KSR2: variants seen among roughly 807,000 people sequenced by gnomAD.
KSR2 encodes the protein kinase suppressor of ras 2.
KSR2 carries 25 observed loss-of-function variants against 107.8 expected under a neutral mutation model. The ratio of observed to expected loss-of-function variants is 0.23; its 90% CI spans 0.17 to 0.32. The LOEUF is 0.32. Among genes scored for constraint, KSR2 ranks in the 10% least tolerant of loss-of-function variants. The pLI, the probability that KSR2 is intolerant of heterozygous loss-of-function variation, is 1.00. For missense variants in KSR2, 887 were observed against 1,268.9 expected, an observed-to-expected ratio of 0.70 and a Z score of 4.57; for synonymous variants, 480 against 507.0, an observed-to-expected ratio of 0.95 and a Z score of 0.71.
At chr12:117,475,658 G>C (rs536991089) in intron 17 of KSR2, among the ~76,000 whole-genome samples, 82 of 152,208 alleles carry the variant, frequency 5.4e-4, no homozygotes, top group Non-Finnish European at 9.1e-4. Context: ...ACTAGAAAGA[G>C]AGAGTAGGGG....
chr12:117,951,805 C>T (rs1159245455), intron 1 of KSR2, among the ~76,000 whole-genome samples: 1 of 151,950 alleles, frequency 6.6e-6, no homozygotes, highest in African/African-American at 2.4e-5. Context: ...AGGGAGGTTC[C>T]CAGGAAGCGA....
intron 5 of KSR2, among the ~76,000 whole-genome samples, chr12:117,593,063 G>A (rs1880419431): frequency 6.6e-6 from 1 of 152,152 alleles, no homozygotes; most frequent in South Asian, 2.1e-4. Flanking sequence ...GGAAAGAGGA[G>A]AGCAGCCCTG....
chr12:117,677,272 G>A (rs1885172900), intron 4 of KSR2: 1 of 152,168 alleles, frequency 6.6e-6, no homozygotes, highest in Non-Finnish European at 1.5e-5. Context: ...ACTTCAGAAT[G>A]TGGCTGTATT....
intron 14 of KSR2, among the ~76,000 whole-genome samples, chr12:117,519,328 G>A (rs570446929): frequency 3.4e-4 from 52 of 152,284 alleles, no homozygotes; most frequent in African/African-American, 1.1e-3. Flanking sequence ...GGAAGGACCC[G>A]CTTTCTTTAA....
intron 4 of KSR2, among the ~76,000 whole-genome samples, chr12:117,724,678 G>A (rs937577830): frequency 6.6e-6 from 1 of 151,898 alleles, no homozygotes; most frequent in African/African-American, 2.4e-5. Flanking sequence ...ATAACCAGCA[G>A]CATCAGCCCA....
At chr12:117,906,289 G>A (rs766323144) in intron 1 of KSR2, among the ~76,000 whole-genome samples, 1 of 147,320 alleles carries the variant, frequency 6.8e-6, no homozygotes, top group Non-Finnish European at 1.5e-5. Context: ...GGAGGCAGAG[G>A]TTGTGGTGAG....
chr12:117,962,608 C>T (rs1000060481), intron 1 of KSR2, among the ~76,000 whole-genome samples: 1 of 151,588 alleles, frequency 6.6e-6, no homozygotes, highest in East Asian at 2.0e-4. Context: ...CCATGCCCCA[C>T]TAATTTTTGT....
chr12:117,693,578 T>C (rs1459038538), intron 4 of KSR2, among the ~76,000 whole-genome samples: 1 of 152,232 alleles, frequency 6.6e-6, no homozygotes, highest in Non-Finnish European at 1.5e-5. Context: ...AATAGTCATG[T>C]CTGTGAATGC....
chr12:117,872,692 G>A (rs1223759203), intron 1 of KSR2, among the ~76,000 whole-genome samples: 1 of 152,210 alleles, frequency 6.6e-6, no homozygotes, highest in Non-Finnish European at 1.5e-5. Context: ...AGGCAAGCAT[G>A]AGAAACATCC....
At chr12:117,467,502 T>C (rs1871209196) in intron 19 of KSR2, among the ~76,000 whole-genome samples, 1 of 152,246 alleles carries the variant, frequency 6.6e-6, no homozygotes, top group Non-Finnish European at 1.5e-5. Flanking sequence ...ATTTCACAGA[T>C]GAAAACACTG....
chr12:117,963,191 A>T (rs1008995226), intron 1 of KSR2, among the ~76,000 whole-genome samples: 1 of 151,462 alleles, frequency 6.6e-6, no homozygotes, highest in African/African-American at 2.4e-5. Flanking sequence ...CCCTGTCTCA[A>T]AATAAAAAGA....
At chr12:117,966,744 C>T (rs567346404) in intron 1 of KSR2, among the ~76,000 whole-genome samples, 2 of 151,478 alleles carry the variant, frequency 1.3e-5, no homozygotes, top group Non-Finnish European at 2.9e-5. Context: ...ATGTTGACAT[C>T]CAGCCAAATT....
intron 14 of KSR2, among the ~76,000 whole-genome samples, chr12:117,511,227 G>T (rs1015914389): frequency 6.6e-6 from 1 of 152,186 alleles, no homozygotes; most frequent in Non-Finnish European, 1.5e-5. Context: ...TGATCCACAA[G>T]GCCAGGCACT....
Position 117,462,225 on chromosome 12 carries a change from G to A in KSR2, c.*4974C>T, listed in dbSNP as rs1030897191. On this transcript the variant is annotated 3_prime_UTR_variant, in exon 20 of 20. Transcript: ENST00000339824. Reference sequence around the variant, plus strand: ...TGTCTTAGAGGGTGTTATAAGTTGTGGTGTCCCCAACAAAAAAAAAAAAAA... The same window carrying A: ...TGTCTTAGAGGGTGTTATAAGTTGTAGTGTCCCCAACAAAAAAAAAAAAAA... 1 of 123,214 alleles carries A rather than the reference G, an allele frequency of 8.1e-6. No individual in the cohort carries two copies. The highest frequency in any genetic ancestry group is 3.5e-5 in the African/African-American group (1 of 28,218). The allele number at this position is 123,214 out of a possible 1,614,324, so 7.6% of individuals were successfully genotyped here.
chr12:117,687,344 C>T (rs114734972), intron 4 of KSR2, among the ~76,000 whole-genome samples: 84 of 152,260 alleles, frequency 5.5e-4, no homozygotes, highest in Middle Eastern at 3.4e-3. Context: ...TACTGTGACT[C>T]CAGGAAACAA....
chr12:117,740,656 A>AATATATAAT lies in KSR2; in HGVS notation c.986+20346_986+20354dup, dbSNP rs539148070. ...TAATATATACATATATTATATATGT[A>AATATATAAT]ATATATAATATATATAATATATATA... On this transcript the variant is annotated intron_variant, in intron 4 of 19. Transcript: ENST00000339824. Among the ~76,000 whole-genome samples the AATATATAAT allele has an allele frequency of 1.4e-4, 13 of 90,002 alleles. No homozygotes were observed. The East Asian group carries it at 1.8e-3, about 12-fold the overall frequency. The allele number at this position is 90,002 out of a possible 152,430, so 59.0% of individuals were successfully genotyped here.
At chr12:117,592,419 TC>T (rs1170176240) in intron 5 of KSR2, among the ~76,000 whole-genome samples, 1 of 152,074 alleles carries the variant, frequency 6.6e-6, no homozygotes, top group African/African-American at 2.4e-5. Context: ...TGGCCCACTT[TC>T]CCCTTTTTGA....
intron 4 of KSR2, among the ~76,000 whole-genome samples, chr12:117,700,865 A>T (rs1373030062): frequency 2.6e-5 from 4 of 152,184 alleles, no homozygotes; most frequent in Admixed American, 2.6e-4. Context: ...GCAGGGCAAC[A>T]CCGAATAAAT....
intron 1 of KSR2, among the ~76,000 whole-genome samples, chr12:117,955,278 A>G (rs1393515669): frequency 6.6e-6 from 1 of 151,766 alleles, no homozygotes; most frequent in Non-Finnish European, 1.5e-5. Flanking sequence ...ATGCACCACT[A>G]CTTAGACTCA....
Sources: allele counts gnomAD v4.1 joint callset (sites outside exome capture counted in the v4.1 genomes callset), GRCh38; gene constraint gnomAD v4.1.1; transcripts MANE v1.5; gene names NCBI Gene and HGNC (gene_info 2026-07-23, HGNC 2026-07-21).